The following ARHGAP45 variants were observed in gnomAD, a reference collection of about 807,000 sequenced individuals.
The protein encoded by ARHGAP45 is rho GTPase-activating protein 45.
ARHGAP45 carries 56 observed loss-of-function variants against 116.1 expected under a neutral mutation model. That is an observed-to-expected ratio of 0.48 (90% CI 0.39 to 0.60). ARHGAP45 has a LOEUF of 0.60. Ranked by LOEUF, ARHGAP45 falls within the 20% of genes least tolerant of loss-of-function variation. ARHGAP45 has a pLI of 0.00. For synonymous variants in ARHGAP45, 866 were observed against 701.7 expected, an observed-to-expected ratio of 1.23 and a Z score of -3.70; for missense variants, 1,622 against 1,601.0, an observed-to-expected ratio of 1.01 and a Z score of -0.22.
In ARHGAP45 at chr19:1,074,876, G is replaced by T; in HGVS notation, c.1182G>T (p.Lys394Asn). 1 of 1,510,718 alleles carries T rather than the reference G, an allele frequency of 6.6e-7. No individual in the cohort carries two copies. The highest frequency in any genetic ancestry group is 1.4e-5 in the African/African-American group (1 of 70,572). 93.6% of individuals were successfully genotyped at this position (1,510,718 alleles called of 1,614,324 possible). ...AGGCCTGGCACCGTGCCCAGAGGAA[G>T]CTGGTGAGGCGGGCGGGCGGGGGCG... ...IKEAWHRAQR[K>N]LQEAESNLRK... The change falls in exon 10 of 23, where the codon AAG becomes AAT. Residue 394 changes from lysine to asparagine, a missense_variant. Physicochemically the swap from Lys to Asn is moderately conservative, Grantham distance 94 (BLOSUM62 0). Around this residue, in one of 3 missense-constraint regions of ARHGAP45, gnomAD observed 1,334 missense variants for 1,263.8 expected, o/e 1.06. Transcript: ENST00000313093.
chr19:1,083,832 C>T (rs2043518940), intron 21 of ARHGAP45, among the ~76,000 whole-genome samples: 1 of 152,198 alleles, frequency 6.6e-6, no homozygotes. Flanking sequence ...CCTCCGCTTC[C>T]CAGGTTCAAG....
chr19:1,074,991 G>A (rs1435173067), intron 10 of ARHGAP45, 112 bp downstream of exon 10: 3 of 871,184 alleles, frequency 3.4e-6, no homozygotes, highest in East Asian at 3.8e-5. Context: ...CACACGCCCC[G>A]GCCTCCTGCG....
At position 1,082,824 on chromosome 19, in the gene ARHGAP45, C is replaced by G. The variant is rs1568481653; in HGVS notation, c.2518-16C>G. On this transcript the variant is annotated splice_polypyrimidine_tract_variant and intron_variant, in intron 19 of 22. Transcript: ENST00000313093. ...GCCAGGCCCACCAACACCTGCTGAC[C>G]CTTGACTCTGCGCAGCTTCCCGAGC... 2.4e-5 allele frequency: 35 copies of G among 1,479,566 alleles called. No individual in the cohort carries two copies. The highest frequency in any genetic ancestry group is 2.8e-5 in the African/African-American group (2 of 71,408). The allele number at this position is 1,479,566 out of a possible 1,614,324, so 91.7% of individuals were successfully genotyped here.
At chr19:1,084,199 A>C in intron 21 of ARHGAP45, 39 bp from the exon 22 acceptor site, 1 of 1,563,926 alleles carries the variant, frequency 6.4e-7, no homozygotes, top group South Asian at 1.1e-5. Flanking sequence ...TGGAAAATGG[A>C]GCCCCGGCCC....
intron 17 of ARHGAP45, chr19:1,081,312 C>T (rs556105871): frequency 6.3e-6 from 4 of 639,162 alleles, no homozygotes; most frequent in South Asian, 2.2e-5. Context: ...GGCCAGAAGA[C>T]CTGGAGGGCA....
chr19:1,085,847 G>A lies in ARHGAP45; in HGVS notation c.3252G>A (p.Glu1084=). The A allele has an allele frequency of 1.9e-6, 3 of 1,606,828 alleles. No individual in the cohort carries two copies. The highest frequency in any genetic ancestry group is 4.5e-5 in the East Asian group (2 of 44,822). The change falls in exon 23 of 23, where the codon GAG becomes GAA. Residue 1084 remains glutamate, a synonymous_variant. Transcript: ENST00000313093. ...AGCAGCTGGAGGCCACAGCCCGGGA[G>A]GACGGGGACGGGGACGAGGACGGCC... ...SEEQLEATAR[E]DGDGDEDGPA...
At chr19:1,073,880 C>T (rs1235852791) in intron 5 of ARHGAP45, 68 bp from the exon 6 acceptor site, 7 of 1,531,420 alleles carry the variant, frequency 4.6e-6, no homozygotes, top group African/African-American at 1.4e-5. Context: ...CAGCAACCGT[C>T]CCCTGAAGGG....
intron 21 of ARHGAP45, 34 bp downstream of exon 21, chr19:1,083,387 CG>C (rs1164976910): frequency 2.6e-6 from 4 of 1,517,968 alleles, no homozygotes; most frequent in Non-Finnish European, 3.5e-6. Context: ...GCTGGCCACT[CG>C]GGGCTTGGGG....
Position 1,077,538 on chromosome 19 carries a change from A to G in ARHGAP45, c.1186-319A>G, listed in dbSNP as rs1291934687. On this transcript the variant is annotated intron_variant, in intron 10 of 22. Transcript: ENST00000313093. ...AGCTGGGATTACAAGCGTGCACCAC[A>G]ATGCCCGGCTAATTGTTTTAAATTT... 2.1e-4 allele frequency: 225 copies of G among 1,071,132 alleles called. 1 individual carries two copies. The South Asian group carries it at 4.0e-3, about 19-fold the overall frequency. 66.4% of individuals were successfully genotyped at this position (1,071,132 alleles called of 1,614,324 possible). A position where few individuals can be genotyped will look rare whatever the true frequency, so the allele number is the denominator to read the frequency against.
At chr19:1,079,236 C>CT (rs1434934106) in intron 11 of ARHGAP45, among the ~76,000 whole-genome samples, 1 of 150,550 alleles carries the variant, frequency 6.6e-6, no homozygotes, top group Non-Finnish European at 1.5e-5. Context: ...TGTGGTGGCT[C>CT]ACACCTGTAA....
rs772777194 is a variant in ARHGAP45 at position 1,067,581 on chromosome 19, G to T, written c.90+86G>T. ...CCCTGTGCTCGGGGCTCATGCTGGGGCGGCGGCTGGGGGCTCGTGCCAGCT... is the reference window on the plus strand; with the variant it reads ...CCCTGTGCTCGGGGCTCATGCTGGGTCGGCGGCTGGGGGCTCGTGCCAGCT... On this transcript the variant is annotated intron_variant, in intron 1 of 22. Coordinates refer to ENST00000313093, the MANE Select transcript of ARHGAP45 (RefSeq NM_012292.5). 8 of 1,321,520 alleles carry T rather than the reference G, an allele frequency of 6.1e-6. No individual in the cohort carries two copies. The South Asian group carries it at 1.0e-4, about 17-fold the overall frequency. 81.9% of individuals were successfully genotyped at this position (1,321,520 alleles called of 1,614,324 possible).
chr19:1,083,342 C>G lies in ARHGAP45; in HGVS notation c.2944C>G (p.Pro982Ala). The change falls in exon 21 of 23, where the codon CCC (proline) becomes GCC (alanine). Residue 982 changes from proline to alanine, a missense_variant. Physicochemically the swap from Pro to Ala is conservative, Grantham distance 27 (BLOSUM62 -1). Coordinates refer to ENST00000313093, the MANE Select transcript of ARHGAP45 (RefSeq NM_012292.5). ...CTTCGAGGAGGAGCCGGAGGAGACCCCCGGGGGCCAGGTGAGGGTGTGGGC... is the reference window on the plus strand; with the variant it reads ...CTTCGAGGAGGAGCCGGAGGAGACCGCCGGGGGCCAGGTGAGGGTGTGGGC... Reference protein sequence around the residue: ...LVFEEEPEETPGGQDESSNQR... With the variant: ...LVFEEEPEETAGGQDESSNQR... 1.3e-6 allele frequency: 2 copies of G among 1,549,532 alleles called. No homozygotes were observed. Among genetic ancestry groups the G allele is most frequent in the Non-Finnish European group, 1.7e-6 (2 of 1,149,356 alleles).
At chr19:1,084,681 G>T (rs2043549631) in intron 22 of ARHGAP45, among the ~76,000 whole-genome samples, 1 of 152,194 alleles carries the variant, frequency 6.6e-6, no homozygotes, top group African/African-American at 2.4e-5. Context: ...GAAGGGCGTG[G>T]GGCTGGGAGT....
At chr19:1,082,744 GCT>G in intron 19 of ARHGAP45, 94 bp from the exon 20 acceptor site, 2 of 1,097,132 alleles carry the variant, frequency 1.8e-6, no homozygotes, top group Non-Finnish European at 2.5e-6. Flanking sequence ...TGTGGCCAGT[GCT>G]CTGTGGGGGT....
At chr19:1,073,648 C>T (rs748010670) in intron 4 of ARHGAP45, 26 bp from the exon 5 acceptor site, 11 of 1,610,284 alleles carry the variant, frequency 6.8e-6, no homozygotes, top group South Asian at 2.2e-5. Flanking sequence ...GGGTGTCTCT[C>T]GATGGTGACC....
At chr19:1,078,189 G>T in intron 11 of ARHGAP45, 144 bp downstream of exon 11, 2 of 1,341,850 alleles carry the variant, frequency 1.5e-6, no homozygotes, top group Non-Finnish European at 2.0e-6. Context: ...TGTCGCCCAG[G>T]CTGGAGTGCA....
intron 2 of ARHGAP45, among the ~76,000 whole-genome samples, chr19:1,070,496 A>C (rs1389984346): frequency 7.7e-6 from 1 of 130,028 alleles, no homozygotes; most frequent in African/African-American, 3.5e-5. Context: ...GTGCCCGGCT[A>C]ATTTTTTTTC....
rs180937232 is a variant in ARHGAP45, at chr19:1,071,643, C to T, written c.422-1506C>T. The T allele has an allele frequency of 4.9e-3, 750 of 153,864 alleles. 18 individuals are homozygous for T. In the South Asian group the frequency reaches 0.059, roughly 12 times the overall value. 9.5% of individuals were successfully genotyped at this position (153,864 alleles called of 1,614,324 possible). A position where few individuals can be genotyped will look rare whatever the true frequency, so the allele number is the denominator to read the frequency against. ...GTGGCCGGGGCCTCCCAGCGGCTTC[C>T]CGGAGCTCCTGGAGCCCCAATCCCA... On this transcript the variant is annotated intron_variant, in intron 2 of 22. Coordinates refer to ENST00000313093, the MANE Select transcript of ARHGAP45 (RefSeq NM_012292.5). This position sits in a 1 kb window ranked among gnomAD's most constrained non-coding sequence, Gnocchi z 4.6.
chr19:1,066,393 C>A, upstream of ARHGAP45: 1 of 565,254 alleles, frequency 1.8e-6, no homozygotes, highest in Non-Finnish European at 3.2e-6. Context: ...GTCCTGCTGC[C>A]CAGCACGTCC....
Sources: allele counts gnomAD v4.1 joint callset (sites outside exome capture counted in the v4.1 genomes callset), GRCh38; gene constraint gnomAD v4.1.1; regional missense constraint gnomAD v4.1.1; non-coding constraint Gnocchi (gnomAD v3.1); transcripts MANE v1.5; gene names NCBI Gene and HGNC (gene_info 2026-07-23, HGNC 2026-07-21).